The following UNC5C variants were observed in gnomAD, a reference collection of about 807,000 sequenced individuals.
The protein encoded by UNC5C is unc-5 netrin receptor C.
Under a neutral mutation model 99.8 loss-of-function variants are expected in UNC5C, and 47 were observed. The observed-to-expected ratio is 0.47, with a 90% CI of 0.37 to 0.60. The LOEUF (loss-of-function observed/expected upper bound fraction) is 0.60. Ranked by LOEUF, UNC5C falls within the 20% of genes least tolerant of loss-of-function variation. The pLI is 0.00. For synonymous variants in UNC5C, 487 were observed against 452.2 expected (o/e 1.08, Z -0.98); for missense variants, 1,062 against 1,165.9 (o/e 0.91, Z 1.30).
At position 95,490,670 on chromosome 4, in the gene UNC5C, T is replaced by G. The variant is rs962800259; in HGVS notation, c.124+58064A>C. On this transcript the variant is annotated intron_variant, in intron 1 of 15. Transcript: ENST00000453304. ...ATAATCCTCCTGCTAAGAATAAAAT[T>G]TTGTTTCTGAATACATTTAACTCTT... Among the ~76,000 whole-genome samples the G allele has an allele frequency of 4.0e-5, 6 of 151,746 alleles. No individual in the cohort carries two copies. In the East Asian group the frequency reaches 9.7e-4, roughly 25 times the overall value.
chr4:95,176,928 G>A (rs913229005), intron 14 of UNC5C, among the ~76,000 whole-genome samples: 9 of 140,556 alleles, frequency 6.4e-5, no homozygotes, highest in East Asian at 4.2e-4. Context: ...AGCCAGGTGC[G>A]GGATATAATC....
intron 1 of UNC5C, among the ~76,000 whole-genome samples, chr4:95,340,366 G>A (rs1331059345): frequency 1.3e-5 from 2 of 152,086 alleles, no homozygotes; most frequent in Non-Finnish European, 2.9e-5. Flanking sequence ...TGATTCAAGA[G>A]CAATTTAAAA....
chr4:95,486,070 T>C (rs751671723), intron 1 of UNC5C, among the ~76,000 whole-genome samples: 10 of 151,808 alleles, frequency 6.6e-5, no homozygotes, highest in Non-Finnish European at 1.2e-4. Flanking sequence ...AAATAATTTA[T>C]ATGATTTAAT....
intron 12 of UNC5C, 120 bp downstream of exon 12, chr4:95,202,611 A>T (rs543624844): frequency 1.0e-6 from 1 of 964,636 alleles, no homozygotes; most frequent in African/African-American, 1.6e-5. Flanking sequence ...CTTTTGGGCC[A>T]AACACGTGTC....
At position 95,170,139 on chromosome 4, in the gene UNC5C, C is replaced by G; in HGVS notation, c.2630+15G>C. 6.2e-7 allele frequency: 1 copy of G among 1,611,478 alleles called. No individual in the cohort carries two copies. Among genetic ancestry groups the G allele is most frequent in the South Asian group, 1.1e-5 (1 of 90,960 alleles). ...TAACAGAAAGAAGCTAGTCTTGGGG[C>G]CAGACCATACCCACCTGTCCAGGTT... On this transcript the variant is annotated intron_variant, in intron 15 of 15. Coordinates refer to ENST00000453304, the MANE Select transcript of UNC5C (RefSeq NM_003728.4).
intron 1 of UNC5C, among the ~76,000 whole-genome samples, chr4:95,420,942 G>A (rs964691297): frequency 2.0e-5 from 3 of 152,092 alleles, no homozygotes; most frequent in Non-Finnish European, 4.4e-5. Context: ...AGGCCTTCCT[G>A]GCATTTAATT....
intron 1 of UNC5C, among the ~76,000 whole-genome samples, chr4:95,365,438 TA>T (rs34537756): frequency 6.8e-6 from 1 of 148,074 alleles, no homozygotes; most frequent in Non-Finnish European, 1.5e-5. Flanking sequence ...ATAAATAATG[TA>T]AAAATATAAC....
intron 1 of UNC5C, among the ~76,000 whole-genome samples, chr4:95,487,682 T>C (rs530711331): frequency 6.6e-6 from 1 of 151,796 alleles, no homozygotes; most frequent in African/African-American, 2.4e-5. Context: ...TCCTACCACA[T>C]CCTAGTTATT....
rs949874971 is a variant in UNC5C at position 95,334,098 on chromosome 4, T to C, written c.346+1312A>G. ...AATTATGTAGAGTTGCCACCTGATT[T>C]TCCAAAGACCATTTATGTTATAAAG... On this transcript the variant is annotated intron_variant, in intron 2 of 15. Coordinates refer to ENST00000453304, the MANE Select transcript of UNC5C (RefSeq NM_003728.4). Among the ~76,000 whole-genome samples, 7 of 152,170 alleles carry C rather than the reference T, an allele frequency of 4.6e-5. No individual in the cohort carries two copies. The South Asian group carries it at 1.4e-3, about 32-fold the overall frequency.
At chr4:95,372,548 T>G (rs148970173) in intron 1 of UNC5C, among the ~76,000 whole-genome samples, 89 of 152,308 alleles carry the variant, frequency 5.8e-4, no homozygotes, top group African/African-American at 2.1e-3. Flanking sequence ...CTTATTGTTA[T>G]TCCATAAAAT....
chr4:95,360,397 G>A (rs1579357090), intron 1 of UNC5C, among the ~76,000 whole-genome samples: 3 of 152,266 alleles, frequency 2.0e-5, no homozygotes, highest in East Asian at 3.9e-4. Flanking sequence ...AATGGCACAG[G>A]ATATGTATAA....
chr4:95,294,985 C>T (rs1371337990), intron 3 of UNC5C, among the ~76,000 whole-genome samples: 1 of 152,190 alleles, frequency 6.6e-6, no homozygotes, highest in Non-Finnish European at 1.5e-5. Context: ...AGGATTCGAA[C>T]ATGAGTCAAT....
chr4:95,320,882 AT>A (rs1482008868), intron 2 of UNC5C, among the ~76,000 whole-genome samples: 12 of 152,346 alleles, frequency 7.9e-5, no homozygotes, highest in South Asian at 2.1e-4. Flanking sequence ...AAGAGGAGTT[AT>A]GTGTTACAAG....
intron 1 of UNC5C, among the ~76,000 whole-genome samples, chr4:95,396,089 G>A (rs549910783): frequency 2.8e-4 from 42 of 152,276 alleles, no homozygotes; most frequent in African/African-American, 9.4e-4. Context: ...CGAGGGCAAA[G>A]GTTTCAACCT....
chr4:95,414,037 A>G (rs1383357714), intron 1 of UNC5C, among the ~76,000 whole-genome samples: 1 of 152,208 alleles, frequency 6.6e-6, no homozygotes, highest in African/African-American at 2.4e-5. Flanking sequence ...GCAACTACCA[A>G]TTTCTCTTTG....
intron 1 of UNC5C, among the ~76,000 whole-genome samples, chr4:95,503,315 A>C (rs574319184): frequency 1.4e-4 from 21 of 152,218 alleles, no homozygotes; most frequent in Middle Eastern, 6.8e-3. Flanking sequence ...CTTAATATTG[A>C]ACTTCCCACC....
chr4:95,536,560 T>C (rs1185471773), intron 1 of UNC5C, among the ~76,000 whole-genome samples: 1 of 152,244 alleles, frequency 6.6e-6, no homozygotes, highest in Non-Finnish European at 1.5e-5. Flanking sequence ...TTCAACATAA[T>C]TCAGTTTCAT....
rs1487749475 is a variant in UNC5C, at chr4:95,301,455, A to G, written c.490+151T>C. On this transcript the variant is annotated intron_variant, in intron 3 of 15. Coordinates refer to ENST00000453304, the MANE Select transcript of UNC5C (RefSeq NM_003728.4). ...TGTGATCCGCCCACCTCGGCCTCCC[A>G]AAGTGCTGGGATTACAGGCGTGAGT... 6.3e-5 allele frequency: 64 copies of G among 1,010,726 alleles called. No homozygotes were observed. The East Asian group carries it at 1.5e-3, about 24-fold the overall frequency. The allele number at this position is 1,010,726 out of a possible 1,614,324, so 62.6% of individuals were successfully genotyped here. A position where few individuals can be genotyped will look rare whatever the true frequency, so the allele number is the denominator to read the frequency against.
chr4:95,359,084 A>C (rs991739169), intron 1 of UNC5C, among the ~76,000 whole-genome samples: 1 of 152,204 alleles, frequency 6.6e-6, no homozygotes, highest in Non-Finnish European at 1.5e-5. Context: ...CAACCAGTAT[A>C]GTTGAAGTCA....
Sources: gnomAD v4.1 joint callset for allele counts (sites outside exome capture counted in the v4.1 genomes callset) on GRCh38, gnomAD v4.1.1 for gene constraint, MANE v1.5 for transcripts, NCBI Gene and HGNC (gene_info 2026-07-23, HGNC 2026-07-21) for gene names.